PRRX2: variants seen among roughly 807,000 people sequenced by gnomAD.
PRRX2 encodes paired mesoderm homeobox protein 2.
In PRRX2, 11 loss-of-function variants were observed where a neutral mutation model predicts 18.0. That is an observed-to-expected ratio of 0.61 (90% CI 0.39 to 1.01). The LOEUF is 1.01. PRRX2 is among the 50% of genes least tolerant of loss of function. The pLI, the probability that PRRX2 is intolerant of heterozygous loss-of-function variation, is 0.01. For synonymous variants in PRRX2, 177 were observed against 154.8 expected (o/e 1.14, Z -1.06); for missense variants, 387 against 351.0 (o/e 1.10, Z -0.82).
At chr9:129,701,963 T>C (rs994703245) in intron 1 of PRRX2, among the ~76,000 whole-genome samples, 1 of 152,096 alleles carries the variant, frequency 6.6e-6, no homozygotes, top group Non-Finnish European at 1.5e-5. Flanking sequence ...TAGTCAGGCC[T>C]GATGCCGGGT....
At chr9:129,697,524 A>G (rs1280763721) in intron 1 of PRRX2, among the ~76,000 whole-genome samples, 6 of 150,996 alleles carry the variant, frequency 4.0e-5, no homozygotes, top group South Asian at 2.1e-4. Flanking sequence ...GGCCGCCACC[A>G]GCGCGGCGCG....
intron 1 of PRRX2, among the ~76,000 whole-genome samples, chr9:129,672,949 T>C (rs1321112915): frequency 1.3e-5 from 2 of 152,100 alleles, no homozygotes; most frequent in African/African-American, 4.8e-5. Flanking sequence ...CGAACACCTA[T>C]AATGTGTCAA....
intron 1 of PRRX2, among the ~76,000 whole-genome samples, chr9:129,712,481 C>T (rs1832637187): frequency 6.6e-6 from 1 of 152,146 alleles, no homozygotes; most frequent in Non-Finnish European, 1.5e-5. Flanking sequence ...GCGGTGGGAA[C>T]ACTTGATCAT....
chr9:129,676,362 T>A lies in PRRX2; in HGVS notation c.259+10236T>A, dbSNP rs1832162315. Among the ~76,000 whole-genome samples the A allele has an allele frequency of 2.6e-5, 4 of 152,064 alleles. No individual in the cohort carries two copies. In the South Asian group the frequency reaches 8.3e-4, roughly 32 times the overall value. ...ATTTGTCATCTGGGGAGGACAAGAG[T>A]CACACCTTCTTGCAGGGAGGTTTTA... On this transcript the variant is annotated intron_variant, in intron 1 of 3. Transcript: ENST00000372469.
rs796315880 is a variant in PRRX2, at chr9:129,691,070, A to G, written c.259+24944A>G. On this transcript the variant is annotated intron_variant, in intron 1 of 3. Transcript: ENST00000372469. Reference sequence around the variant, plus strand: ...CCGGACACAGTGGCTTATGCCTGTAATCCCAGCACTTTGGGAGGCTGAGGC... The same window carrying G: ...CCGGACACAGTGGCTTATGCCTGTAGTCCCAGCACTTTGGGAGGCTGAGGC... Among the ~76,000 whole-genome samples the G allele has an allele frequency of 8.6e-5, 13 of 151,450 alleles. 1 individual carries two copies. The highest frequency in any genetic ancestry group is 3.2e-4 in the African/African-American group (13 of 41,248).
At position 129,671,376 on chromosome 9, in the gene PRRX2, G is replaced by T. The variant is rs147375147; in HGVS notation, c.259+5250G>T. 1.3e-5 allele frequency among the ~76,000 whole-genome samples: 2 copies of T among 152,324 alleles called. No homozygotes were observed. The highest frequency in any genetic ancestry group is 3.9e-4 in the East Asian group (2 of 5,180). On this transcript the variant is annotated intron_variant, in intron 1 of 3. Transcript: ENST00000372469. The surrounding 1 kb of genome is among the most constrained non-coding windows in gnomAD (Gnocchi z 4.0). ...ATTATTTGTGGTTCCAGGACCTCTT[G>T]CTCCTCTGTCCAGTAGATCATCTGG...
intron 1 of PRRX2, among the ~76,000 whole-genome samples, chr9:129,697,876 T>C (rs1299755707): frequency 2.6e-5 from 4 of 151,988 alleles, no homozygotes; most frequent in African/African-American, 9.7e-5. Context: ...TTTTCAAAAT[T>C]CTGAGTCAGA....
At chr9:129,719,524 G>A in intron 2 of PRRX2, 106 bp downstream of exon 2, 1 of 1,322,206 alleles carries the variant, frequency 7.6e-7, no homozygotes, top group Non-Finnish European at 9.8e-7. Flanking sequence ...TTGAGCAGGA[G>A]CATCTGAGGC....
At chr9:129,673,996 C>G (rs749685243) in intron 1 of PRRX2, among the ~76,000 whole-genome samples, 5 of 152,104 alleles carry the variant, frequency 3.3e-5, no homozygotes, top group Non-Finnish European at 7.3e-5. Flanking sequence ...CAGAGCATCC[C>G]CAGCCTGGAA....
chr9:129,715,872 TG>T lies in PRRX2; in HGVS notation c.260-3356del, dbSNP rs1295582552. ...CAAGAGTCAGTAAACCCTCCTAACCTGGGAACTGATTAAAAGCAGATATTCA... is the reference window on the plus strand; with the variant it reads ...CAAGAGTCAGTAAACCCTCCTAACCTGGAACTGATTAAAAGCAGATATTCA... On this transcript the variant is annotated intron_variant, in intron 1 of 3. Coordinates refer to ENST00000372469, the MANE Select transcript of PRRX2 (RefSeq NM_016307.4). The surrounding 1 kb of genome is among the most constrained non-coding windows in gnomAD (Gnocchi z 4.0). Among the ~76,000 whole-genome samples, 1 of 151,846 alleles carries T rather than the reference TG, an allele frequency of 6.6e-6. No individual in the cohort carries two copies. Among genetic ancestry groups the T allele is most frequent in the African/African-American group, 2.4e-5 (1 of 41,288 alleles).
chr9:129,678,736 G>C (rs1368817394), intron 1 of PRRX2, among the ~76,000 whole-genome samples: 1 of 152,146 alleles, frequency 6.6e-6, no homozygotes, highest in Non-Finnish European at 1.5e-5. Flanking sequence ...AGAGCAGTGG[G>C]GATGCGTTCT....
At chr9:129,668,654 G>A (rs955833650) in intron 1 of PRRX2, among the ~76,000 whole-genome samples, 2 of 151,600 alleles carry the variant, frequency 1.3e-5, no homozygotes, top group African/African-American at 4.9e-5. Context: ...GTGCATGCCT[G>A]TAATCTCAGC....
chr9:129,719,340 C>T lies in PRRX2; in HGVS notation c.369C>T (p.Phe123=), dbSNP rs1220083550. Residue 123 remains phenylalanine, a synonymous_variant, in exon 2 of 4, where the codon TTC becomes TTT. Transcript: ENST00000372469. ...AACTGCAGGCGCTGGAGCGCGTGTT[C>T]GAGCGCACGCACTACCCCGACGCCT... ...SSQLQALERV[F]ERTHYPDAFV... is the part of the protein sequence containing the mutation. The T allele has an allele frequency of 1.3e-6, 2 of 1,596,130 alleles. No homozygotes were observed. Among genetic ancestry groups the T allele is most frequent in the East Asian group, 2.3e-5 (1 of 43,904 alleles).
intron 1 of PRRX2, among the ~76,000 whole-genome samples, chr9:129,700,065 T>C (rs1193566439): frequency 6.6e-6 from 1 of 152,184 alleles, no homozygotes; most frequent in Admixed American, 6.5e-5. Flanking sequence ...CAGATAAATA[T>C]ACTAATGGCT....
At chr9:129,666,571 A>ACCCCCCCCCCCCCCCCCCCC (rs532808399) in intron 1 of PRRX2, among the ~76,000 whole-genome samples, 1 of 95,424 alleles carries the variant, frequency 1.0e-5, no homozygotes, top group Admixed American at 1.0e-4. Context: ...GTGCCTGCCC[A>ACCCCCCCCCCCCCCCCCCCC]CCCCCCCCCA....
At position 129,722,574 on chromosome 9, in the gene PRRX2, C is replaced by T. The variant is rs1014706556; in HGVS notation, c.*222C>T. On this transcript the variant is annotated 3_prime_UTR_variant, in exon 4 of 4. Coordinates refer to ENST00000372469, the MANE Select transcript of PRRX2 (RefSeq NM_016307.4). ...CCCACAACCCTTGGAGGGGTTGGGCCGGAAGGTGGAAGAGCCTGCCAAGGA... is the reference window on the plus strand; with the variant it reads ...CCCACAACCCTTGGAGGGGTTGGGCTGGAAGGTGGAAGAGCCTGCCAAGGA... 3.7e-5 allele frequency: 16 copies of T among 427,970 alleles called. No individual in the cohort carries two copies. The highest frequency in any genetic ancestry group is 8.1e-5 in the African/African-American group (4 of 49,088). 26.5% of individuals were successfully genotyped at this position (427,970 alleles called of 1,614,324 possible).
At chr9:129,682,910 G>T (rs1832251674) in intron 1 of PRRX2, among the ~76,000 whole-genome samples, 1 of 146,208 alleles carries the variant, frequency 6.8e-6, no homozygotes, top group African/African-American at 2.5e-5. Flanking sequence ...TTCGAAACCA[G>T]CCTGACCAAC....
intron 1 of PRRX2, among the ~76,000 whole-genome samples, chr9:129,682,314 G>T (rs748047733): frequency 7.8e-6 from 1 of 127,864 alleles, no homozygotes; most frequent in African/African-American, 3.1e-5. Flanking sequence ...TGTCCCCGCC[G>T]CTGCTGCTGT....
At chr9:129,692,436 G>A (rs1379465716) in intron 1 of PRRX2, among the ~76,000 whole-genome samples, 3 of 151,710 alleles carry the variant, frequency 2.0e-5, no homozygotes, top group Admixed American at 6.6e-5. Context: ...TGTACATTGG[G>A]GTTCCCTCTT....
Sources: gnomAD v4.1 joint callset for allele counts (sites outside exome capture counted in the v4.1 genomes callset) on GRCh38, gnomAD v4.1.1 for gene constraint, Gnocchi (gnomAD v3.1) non-coding constraint, MANE v1.5 for transcripts, NCBI Gene and HGNC (gene_info 2026-07-23, HGNC 2026-07-21) for gene names.